Variants in ZNF407 observed in about 807,000 individuals in gnomAD.
The protein encoded by ZNF407 is zinc finger protein 407.
Under a neutral mutation model 131.2 loss-of-function variants are expected in ZNF407, and 17 were observed. That is an observed-to-expected ratio of 0.13 (90% CI 0.09 to 0.19). ZNF407 has a LOEUF of 0.19. ZNF407 is among the 10% of genes least tolerant of loss of function. ZNF407 has a pLI of 1.00. For synonymous variants in ZNF407, 1,156 were observed against 1,062.0 expected (o/e 1.09, Z -1.72); for missense variants, 2,681 against 2,830.6 (o/e 0.95, Z 1.20).
intron 8 of ZNF407, among the ~76,000 whole-genome samples, chr18:75,042,923 C>T (rs1973390570): frequency 6.6e-6 from 1 of 152,176 alleles, no homozygotes; most frequent in Non-Finnish European, 1.5e-5. Flanking sequence ...CATGCGTGTA[C>T]CAGTATGTTT....
rs114753047 is a variant in ZNF407 at position 74,924,177 on chromosome 18, T to G, written c.5428+3485T>G. Among the ~76,000 whole-genome samples, 357 of 152,300 alleles carry G rather than the reference T, an allele frequency of 2.3e-3. 3 individuals carry two copies. Among genetic ancestry groups the G allele is most frequent in the African/African-American group, 8.0e-3 (333 of 41,560 alleles). The stretch of plus-strand genomic sequence containing the variant: ...CTCTATGATCTTAGAAGTCAGAGTT[T>G]ATTTGCCCTTGTAGGCACCAGTCAC... On this transcript the variant is annotated intron_variant, in intron 8 of 8. Transcript: ENST00000299687.
intron 4 of ZNF407, among the ~76,000 whole-genome samples, chr18:74,834,294 C>T (rs779514488): frequency 7.2e-5 from 11 of 152,188 alleles, no homozygotes; most frequent in Non-Finnish European, 1.5e-4. Flanking sequence ...AAAATTGGCC[C>T]CATAGGGCCT....
chr18:74,736,794 T>C (rs1402149434), intron 3 of ZNF407, among the ~76,000 whole-genome samples: 1 of 152,216 alleles, frequency 6.6e-6, no homozygotes, highest in Non-Finnish European at 1.5e-5. Flanking sequence ...AAGAATTATG[T>C]TTCCCATTAA....
chr18:74,845,597 A>C (rs111352564), intron 4 of ZNF407, among the ~76,000 whole-genome samples: 1 of 152,150 alleles, frequency 6.6e-6, no homozygotes, highest in African/African-American at 2.4e-5. Context: ...TGTATTTGTA[A>C]GTCATTTCAT....
chr18:74,644,105 C>T (rs1984853827), intron 3 of ZNF407, among the ~76,000 whole-genome samples: 1 of 150,682 alleles, frequency 6.6e-6, no homozygotes, highest in African/African-American at 2.4e-5. Flanking sequence ...CTTTGTACAT[C>T]ATGTTTTAAG....
chr18:74,932,946 G>A (rs570783574), intron 8 of ZNF407, among the ~76,000 whole-genome samples: 43 of 152,280 alleles, frequency 2.8e-4, no homozygotes, highest in African/African-American at 9.9e-4. Context: ...CTGCTGAAGC[G>A]AATGTACAAT....
At chr18:74,851,947 A>T (rs1322444289) in intron 4 of ZNF407, among the ~76,000 whole-genome samples, 1 of 152,218 alleles carries the variant, frequency 6.6e-6, no homozygotes, top group Non-Finnish European at 1.5e-5. Flanking sequence ...CTGATTATGG[A>T]GAGGGTGCTC....
chr18:74,707,434 T>G (rs182890357), intron 3 of ZNF407, among the ~76,000 whole-genome samples: 67 of 152,072 alleles, frequency 4.4e-4, no homozygotes, highest in African/African-American at 1.2e-3. Context: ...GATTTTGAGG[T>G]TTTTTTTGAA....
chr18:74,996,787 T>C (rs1248883509), intron 8 of ZNF407, among the ~76,000 whole-genome samples: 1 of 152,240 alleles, frequency 6.6e-6, no homozygotes, highest in African/African-American at 2.4e-5. Context: ...ACTATCGTAC[T>C]TTATTTACTA....
chr18:74,888,898 G>A (rs1971347185), intron 6 of ZNF407, among the ~76,000 whole-genome samples: 2 of 152,154 alleles, frequency 1.3e-5, no homozygotes. Flanking sequence ...TGGGTAGAAT[G>A]GTTACACTTG....
chr18:74,600,271 A>T (rs1036272104), intron 1 of ZNF407, among the ~76,000 whole-genome samples: 3 of 152,254 alleles, frequency 2.0e-5, no homozygotes, highest in African/African-American at 4.8e-5. Flanking sequence ...GAAAATAGGC[A>T]GCAACCAAAA....
At chr18:74,872,675 T>C (rs1224578375) in intron 4 of ZNF407, among the ~76,000 whole-genome samples, 1 of 150,020 alleles carries the variant, frequency 6.7e-6, no homozygotes, top group Non-Finnish European at 1.5e-5. Context: ...GGGAATCGCT[T>C]GAACTGGGAG....
intron 8 of ZNF407, among the ~76,000 whole-genome samples, chr18:75,039,718 C>CTTTT (rs36086764): frequency 2.1e-4 from 24 of 111,868 alleles, no homozygotes; most frequent in Non-Finnish European, 2.8e-4. Flanking sequence ...AGGGGCCAAG[C>CTTTT]TTTTTTTTTT....
At chr18:74,685,942 T>C (rs1967087422) in intron 3 of ZNF407, among the ~76,000 whole-genome samples, 1 of 152,258 alleles carries the variant, frequency 6.6e-6, no homozygotes, top group Admixed American at 6.5e-5. Flanking sequence ...TCTTCGGGCA[T>C]AGATCTTTGG....
At chr18:74,968,413 C>G (rs1001446674) in intron 8 of ZNF407, among the ~76,000 whole-genome samples, 2 of 152,152 alleles carry the variant, frequency 1.3e-5, no homozygotes, top group Non-Finnish European at 2.9e-5. Flanking sequence ...CTTTTCCTAC[C>G]CTGATGACCC....
intron 4 of ZNF407, 99 bp downstream of exon 4, chr18:74,781,601 T>A: frequency 1.2e-6 from 1 of 813,836 alleles, no homozygotes; most frequent in Non-Finnish European, 1.8e-6. Flanking sequence ...TTCACATCAG[T>A]TAATCATGTT....
rs114417506 is a variant in ZNF407, at chr18:75,056,778, G to A, written c.5429-6372G>A. ...CGGTGACTGCTATTGTAAGAATAAT[G>A]TATTCCCTGCTTTGAAATTTCTAAA... On this transcript the variant is annotated intron_variant, in intron 8 of 8. Coordinates refer to ENST00000299687, the MANE Select transcript of ZNF407 (RefSeq NM_017757.3). Among the ~76,000 whole-genome samples the A allele has an allele frequency of 3.8e-3, 584 of 152,280 alleles. 4 individuals are homozygous for A. The highest frequency in any genetic ancestry group is 0.013 in the African/African-American group (523 of 41,568).
intron 3 of ZNF407, among the ~76,000 whole-genome samples, chr18:74,717,565 G>A (rs1016623931): frequency 6.6e-6 from 1 of 152,100 alleles, no homozygotes; most frequent in Non-Finnish European, 1.5e-5. Flanking sequence ...TAAACAATTT[G>A]TGTGATCATT....
intron 3 of ZNF407, among the ~76,000 whole-genome samples, chr18:74,714,450 C>T (rs1192260805): frequency 1.3e-5 from 2 of 152,146 alleles, no homozygotes; most frequent in Non-Finnish European, 2.9e-5. Flanking sequence ...GTCATTTTTG[C>T]ATTCATATTT....
Sources: gnomAD v4.1 joint callset for allele counts (sites outside exome capture counted in the v4.1 genomes callset) on GRCh38, gnomAD v4.1.1 for gene constraint, MANE v1.5 for transcripts, NCBI Gene and HGNC (gene_info 2026-07-23, HGNC 2026-07-21) for gene names.